The following ERMP1 variants were observed in gnomAD, a reference collection of about 807,000 sequenced individuals.
ERMP1 encodes endoplasmic reticulum metallopeptidase 1, also known as Felix-ina.
A neutral mutation model predicts 92.0 loss-of-function variants in ERMP1; 86 were observed. The ratio of observed to expected loss-of-function variants is 0.93; its 90% CI spans 0.79 to 1.12. ERMP1 has a LOEUF of 1.12. ERMP1 is among the 50% of genes most tolerant of loss of function. The probability of loss-of-function intolerance (pLI) is 0.00; values close to 1 mark genes in which losing one functional copy is unlikely to be tolerated. For missense variants in ERMP1, 1,342 were observed against 1,116.3 expected (o/e 1.20, Z -2.88); for synonymous variants, 530 against 412.8 (o/e 1.28, Z -3.44).
intron 13 of ERMP1, among the ~76,000 whole-genome samples, chr9:5,791,797 C>G (rs1391339285): frequency 6.6e-6 from 1 of 152,154 alleles, no homozygotes; most frequent in Non-Finnish European, 1.5e-5. Context: ...CCATCAAGTG[C>G]CAGTGATTAT....
intron 6 of ERMP1, among the ~76,000 whole-genome samples, chr9:5,854,509 T>G (rs1830348190): frequency 6.6e-6 from 1 of 152,140 alleles, no homozygotes; most frequent in African/African-American, 2.4e-5. Flanking sequence ...AGTTTAACTA[T>G]TTATTAGTCA....
rs543515732 is a variant in ERMP1 at position 5,810,030 on chromosome 9, G to C, written c.1529C>G (p.Ala510Gly). 1 of 1,608,620 alleles carries C rather than the reference G, an allele frequency of 6.2e-7. No individual in the cohort carries two copies. Among genetic ancestry groups the C allele is most frequent in the South Asian group, 1.1e-5 (1 of 90,994 alleles). The change falls in exon 8 of 15, where the codon GCG (alanine) becomes GGG (glycine). Residue 510 changes from alanine (A) to glycine (G), a missense_variant. By Grantham distance (60) the Ala-to-Gly change is moderately conservative. Coordinates refer to ENST00000339450, the MANE Select transcript of ERMP1 (RefSeq NM_024896.3). ...ACTTACCATGTAATAAAATCTTTTC[G>C]CAAGAGTATGTATAAGTATTATTTT... is the stretch of plus-strand genomic sequence containing the variant. ...VAKIILIHTL[A>G]KRFYYMNASA...
chr9:5,860,853 T>G (rs575342935), intron 5 of ERMP1, among the ~76,000 whole-genome samples: 1 of 152,128 alleles, frequency 6.6e-6, no homozygotes, highest in Non-Finnish European at 1.5e-5. Flanking sequence ...GTAATCATGA[T>G]AATGGATTAC....
intron 13 of ERMP1, among the ~76,000 whole-genome samples, chr9:5,797,203 AT>A (rs920487475): frequency 1.1e-3 from 155 of 144,896 alleles, no homozygotes; most frequent in South Asian, 1.1e-3. Context: ...TGCCCAGCTA[AT>A]TTTTTTTTTT....
At chr9:5,807,127 G>A (rs143307519) in intron 8 of ERMP1, among the ~76,000 whole-genome samples, 2 of 152,020 alleles carry the variant, frequency 1.3e-5, no homozygotes, top group African/African-American at 2.4e-5. Flanking sequence ...ATAAAACATC[G>A]CTCGAATCTA....
chr9:5,843,733 G>A (rs1830197923), intron 6 of ERMP1, among the ~76,000 whole-genome samples: 1 of 151,758 alleles, frequency 6.6e-6, no homozygotes, highest in African/African-American at 2.4e-5. Flanking sequence ...CAGAGCCGAA[G>A]ATCTCTGCTA....
At chr9:5,804,169 C>T (rs1828781147) in intron 10 of ERMP1, among the ~76,000 whole-genome samples, 1 of 152,046 alleles carries the variant, frequency 6.6e-6, no homozygotes, top group African/African-American at 2.4e-5. Flanking sequence ...CTGTTTGGTT[C>T]CCTATCCTCA....
At position 5,832,784 on chromosome 9, in the gene ERMP1, T is replaced by A; in HGVS notation, c.244A>T (p.Ile82Phe). The A allele has an allele frequency of 6.7e-7, 1 of 1,500,760 alleles. No homozygotes were observed. Among genetic ancestry groups the A allele is most frequent in the Non-Finnish European group, 8.8e-7 (1 of 1,133,108 alleles). 93.0% of individuals were successfully genotyped at this position (1,500,760 alleles called of 1,614,324 possible). A position where few individuals can be genotyped will look rare whatever the true frequency, so the allele number is the denominator to read the frequency against. Residue 82 changes from isoleucine (I) to phenylalanine (F), a missense_variant, in exon 1 of 15, where the codon ATC becomes TTC. Coordinates refer to ENST00000339450, the MANE Select transcript of ERMP1 (RefSeq NM_024896.3). ...RAALGLALYL[I>F]ALRTLVQLSL... ...AGCTGCACCAGCGTCCGCAGCGCGATCAGGTAGAGCGCGAGCCCCAGCGCG... is the reference window on the plus strand; with the variant it reads ...AGCTGCACCAGCGTCCGCAGCGCGAACAGGTAGAGCGCGAGCCCCAGCGCG...
intron 2 of ERMP1, among the ~76,000 whole-genome samples, chr9:5,827,902 CG>C (rs1563771018): frequency 6.6e-6 from 1 of 152,092 alleles, no homozygotes; most frequent in Non-Finnish European, 1.5e-5. Context: ...GGCGTGAACC[CG>C]GGAGGCAGAG....
intron 11 of ERMP1, 26 bp from the exon 12 acceptor site, chr9:5,799,034 A>C: frequency 6.4e-7 from 1 of 1,552,374 alleles, no homozygotes; most frequent in African/African-American, 1.4e-5. Flanking sequence ...TAGTGAAAAA[A>C]CTGTTTCAAC....
At chr9:5,848,682 C>G (rs539022160) in intron 6 of ERMP1, among the ~76,000 whole-genome samples, 1 of 112,650 alleles carries the variant, frequency 8.9e-6, no homozygotes, top group Admixed American at 1.0e-4. Flanking sequence ...GTTAAATGAC[C>G]TCTCTCTACC....
intron 2 of ERMP1, among the ~76,000 whole-genome samples, chr9:5,828,537 CA>C (rs987100898): frequency 6.6e-6 from 1 of 152,212 alleles, no homozygotes; most frequent in African/African-American, 2.4e-5. Context: ...TGCCTTCCTT[CA>C]ATTTGCCACC....
chr9:5,822,626 T>A (rs1387072289), intron 4 of ERMP1, among the ~76,000 whole-genome samples: 1 of 152,176 alleles, frequency 6.6e-6, no homozygotes, highest in African/African-American at 2.4e-5. Context: ...CTAGCCCATC[T>A]CAGCACACAA....
chr9:5,796,894 A>G (rs188480163), intron 13 of ERMP1, among the ~76,000 whole-genome samples: 8 of 152,324 alleles, frequency 5.3e-5, no homozygotes, highest in Admixed American at 2.0e-4. Context: ...TAATAATAAT[A>G]TATCAGTGTT....
chr9:5,861,566 T>A (rs573219317), intron 5 of ERMP1, among the ~76,000 whole-genome samples: 2 of 152,238 alleles, frequency 1.3e-5, no homozygotes, highest in East Asian at 3.9e-4. Context: ...AGTGGACAGT[T>A]AACTGTAGAC....
At chr9:5,810,990 TA>T in intron 7 of ERMP1, 120 bp downstream of exon 7, 1 of 632,008 alleles carries the variant, frequency 1.6e-6, no homozygotes, top group South Asian at 2.5e-5. Context: ...TCTTACAATA[TA>T]AAGCAAACAT....
chr9:5,786,946 T>C lies in ERMP1; in HGVS notation c.*198A>G, dbSNP rs1429459914. The C allele has an allele frequency of 2.1e-6, 1 of 465,694 alleles. No homozygotes were observed. The highest frequency in any genetic ancestry group is 4.0e-5 in the Admixed American group (1 of 25,168). 28.8% of individuals were successfully genotyped at this position (465,694 alleles called of 1,614,324 possible). On this transcript the variant is annotated 3_prime_UTR_variant, in exon 15 of 15. Transcript: ENST00000339450. ...GTGCCAAAAGACTGGCATTTTCAAG[T>C]GTCAACAGGCCATGCATCACTGCGC... is the stretch of plus-strand genomic sequence containing the variant.
At chr9:5,790,404 T>C (rs776542923) in intron 13 of ERMP1, among the ~76,000 whole-genome samples, 1 of 150,188 alleles carries the variant, frequency 6.7e-6, no homozygotes, top group African/African-American at 2.5e-5. Flanking sequence ...ACACATGTAA[T>C]TATAAAATAC....
In ERMP1 at chr9:5,805,742, G is replaced by A. The variant is rs781707680; in HGVS notation, c.1592C>T (p.Ser531Leu). The change falls in exon 9 of 15, where the codon TCG becomes TTG. Residue 531 changes from serine to leucine, a missense_variant. Coordinates refer to ENST00000339450, the MANE Select transcript of ERMP1 (RefSeq NM_024896.3). Reference sequence around the variant, plus strand: ...AAGAAAACAGCAATGGACAAACAGCGAAATGTCAAAAAATACTTCTCCCAG... The same window carrying A: ...AAGAAAACAGCAATGGACAAACAGCAAAATGTCAAAAAATACTTCTCCCAG... Reference protein sequence around the residue: ...QYLGEVFFDISLFVHCCFLVT... With the variant: ...QYLGEVFFDILLFVHCCFLVT... 56 of 1,609,978 alleles carry A rather than the reference G, an allele frequency of 3.5e-5. No homozygotes were observed. Among genetic ancestry groups the A allele is most frequent in the Admixed American group, 2.0e-4 (12 of 59,026 alleles).
Sources: gnomAD v4.1 joint callset for allele counts (sites outside exome capture counted in the v4.1 genomes callset) on GRCh38, gnomAD v4.1.1 for gene constraint, MANE v1.5 for transcripts, NCBI Gene and HGNC (gene_info 2026-07-23, HGNC 2026-07-21) for gene names.